Variants in FUT9 observed in about 807,000 individuals in gnomAD.
FUT9 encodes 4-galactosyl-N-acetylglucosaminide 3-alpha-L-fucosyltransferase 9.
Under a neutral mutation model 29.7 loss-of-function variants are expected in FUT9, and 15 were observed. That is an observed-to-expected ratio of 0.51 (90% CI 0.34 to 0.78). The LOEUF is 0.78. Among genes scored for constraint, FUT9 ranks in the 30% least tolerant of loss-of-function variants. FUT9 has a pLI of 0.01. For missense variants in FUT9, 319 were observed against 425.4 expected, an observed-to-expected ratio of 0.75 and a Z score of 2.20; for synonymous variants, 169 against 153.7, an observed-to-expected ratio of 1.10 and a Z score of -0.74.
At chr6:96,154,454 AG>A in intron 2 of FUT9, among the ~76,000 whole-genome samples, 1 of 152,338 alleles carries the variant, frequency 6.6e-6, no homozygotes, top group East Asian at 1.9e-4. Context: ...AAGGCATAAA[AG>A]TAAACATGTT....
intron 2 of FUT9, among the ~76,000 whole-genome samples, chr6:96,116,432 T>C (rs921446858): frequency 4.6e-5 from 7 of 152,250 alleles, no homozygotes; most frequent in Admixed American, 2.0e-4. Context: ...TTCATAAGTA[T>C]TTACCCAAGT....
intron 1 of FUT9, among the ~76,000 whole-genome samples, chr6:96,069,098 C>T (rs987424929): frequency 1.3e-5 from 2 of 152,082 alleles, no homozygotes; most frequent in African/African-American, 2.4e-5. Flanking sequence ...TGGCGGATCA[C>T]GAGGTCAGAA....
intron 2 of FUT9, among the ~76,000 whole-genome samples, chr6:96,132,535 C>CA (rs1006225266): frequency 6.6e-6 from 1 of 151,976 alleles, no homozygotes; most frequent in Non-Finnish European, 1.5e-5. Flanking sequence ...TTTTTCTTCA[C>CA]AAAAAAGCTG....
intron 2 of FUT9, among the ~76,000 whole-genome samples, chr6:96,173,394 A>C (rs764383831): frequency 9.9e-5 from 15 of 152,086 alleles, no homozygotes; most frequent in Admixed American, 8.5e-4. Flanking sequence ...TTCCATCTTT[A>C]CCTGCTGTTC....
rs1773986688 is a variant in FUT9 at position 96,213,947 on chromosome 6, T to G, written c.*9712T>G. ...CATGCAGCTTTGGGGACATTTACAC[T>G]GCCACTCACACACAGGCTCTGTCTC... is the stretch of plus-strand genomic sequence containing the variant. On this transcript the variant is annotated 3_prime_UTR_variant, in exon 3 of 3. Coordinates refer to ENST00000302103, the MANE Select transcript of FUT9 (RefSeq NM_006581.4). 6.0e-6 allele frequency: 1 copy of G among 166,966 alleles called. No individual in the cohort carries two copies. Among genetic ancestry groups the G allele is most frequent in the Admixed American group, 6.6e-5 (1 of 15,256 alleles). The allele number at this position is 166,966 out of a possible 1,614,324, so 10.3% of individuals were successfully genotyped here. A position where few individuals can be genotyped will look rare whatever the true frequency, so the allele number is the denominator to read the frequency against.
intron 1 of FUT9, among the ~76,000 whole-genome samples, chr6:96,112,221 A>T (rs759292598): frequency 2.6e-5 from 4 of 152,212 alleles, no homozygotes; most frequent in Non-Finnish European, 5.9e-5. Flanking sequence ...TATCTGAGTT[A>T]TCAGAACCTT....
At chr6:96,081,640 T>C (rs1771239499) in intron 1 of FUT9, among the ~76,000 whole-genome samples, 1 of 151,906 alleles carries the variant, frequency 6.6e-6, no homozygotes, top group Admixed American at 6.6e-5. Context: ...ACAAACATTC[T>C]GGTAATAGTC....
chr6:96,065,366 G>C (rs1305856356), intron 1 of FUT9, among the ~76,000 whole-genome samples: 1 of 151,916 alleles, frequency 6.6e-6, no homozygotes, highest in African/African-American at 2.4e-5. Flanking sequence ...TCCTCTCCTT[G>C]CATGCTCTGA....
chr6:96,157,281 A>C (rs1252878689), intron 2 of FUT9, among the ~76,000 whole-genome samples: 2 of 152,184 alleles, frequency 1.3e-5, no homozygotes, highest in African/African-American at 4.8e-5. Flanking sequence ...GTCTGTTACC[A>C]AAGTCACTGA....
At chr6:96,203,090 T>C in intron 2 of FUT9, 58 bp from the exon 3 acceptor site, 1 of 1,294,574 alleles carries the variant, frequency 7.7e-7, no homozygotes, top group Non-Finnish European at 1.1e-6. Context: ...CCAATATATT[T>C]ATGATTTTCT....
chr6:96,085,673 C>G (rs1287602035), intron 1 of FUT9, among the ~76,000 whole-genome samples: 3 of 152,272 alleles, frequency 2.0e-5, no homozygotes, highest in African/African-American at 7.2e-5. Context: ...CCTGGAGGTT[C>G]TCAACACATC....
chr6:96,086,869 A>G (rs886429965), intron 1 of FUT9, among the ~76,000 whole-genome samples: 4 of 152,322 alleles, frequency 2.6e-5, no homozygotes, highest in Admixed American at 2.6e-4. Flanking sequence ...GAACTAAGGT[A>G]TTAAAAGGCA....
chr6:96,122,218 A>G (rs1267431681), intron 2 of FUT9, among the ~76,000 whole-genome samples: 1 of 152,164 alleles, frequency 6.6e-6, no homozygotes, highest in Non-Finnish European at 1.5e-5. Flanking sequence ...AGGAACATTT[A>G]TGGTAGTTAA....
chr6:96,083,906 C>A (rs13210271), intron 1 of FUT9, among the ~76,000 whole-genome samples: 116,006 of 151,862 alleles, frequency 0.76, 45,110 homozygotes, highest in South Asian at 0.93. Flanking sequence ...GAGTGTCTTC[C>A]AGACTATTTC....
intron 2 of FUT9, among the ~76,000 whole-genome samples, chr6:96,115,835 G>A (rs1014770177): frequency 6.6e-6 from 1 of 152,052 alleles, no homozygotes; most frequent in Admixed American, 6.6e-5. Flanking sequence ...TATACCAAAT[G>A]TGTACTTCTA....
intron 2 of FUT9, among the ~76,000 whole-genome samples, chr6:96,165,494 C>G (rs1376802235): frequency 2.1e-5 from 3 of 144,190 alleles, no homozygotes; most frequent in Non-Finnish European, 3.0e-5. Context: ...AGTGATCTCT[C>G]CTTTATTATA....
At chr6:96,183,763 T>C (rs4441960) in intron 2 of FUT9, among the ~76,000 whole-genome samples, 25,109 of 152,046 alleles carry the variant, frequency 0.17, 2,300 homozygotes, top group Admixed American at 0.25. Context: ...TTGCATATGT[T>C]AAACCATCCC....
chr6:96,185,529 G>A (rs1773389981), intron 2 of FUT9, among the ~76,000 whole-genome samples: 1 of 152,086 alleles, frequency 6.6e-6, no homozygotes, highest in Non-Finnish European at 1.5e-5. Flanking sequence ...GAAGATAAGA[G>A]AACTTCGATT....
chr6:96,192,130 T>C (rs1449408165), intron 2 of FUT9, among the ~76,000 whole-genome samples: 1 of 152,160 alleles, frequency 6.6e-6, no homozygotes, highest in African/African-American at 2.4e-5. Context: ...GCATTCCCTT[T>C]GAAAACTGGC....
Sources: gnomAD v4.1 joint callset for allele counts (sites outside exome capture counted in the v4.1 genomes callset) on GRCh38, gnomAD v4.1.1 for gene constraint, MANE v1.5 for transcripts, NCBI Gene and HGNC (gene_info 2026-07-23, HGNC 2026-07-21) for gene names.